Variants in CYSTM1 observed in about 807,000 individuals in gnomAD.
CYSTM1 encodes cysteine-rich transmembrane module-containing protein 1.
A neutral mutation model predicts 13.1 loss-of-function variants in CYSTM1; 4 were observed. The observed-to-expected ratio is 0.31, with a 90% CI of 0.15 to 0.70. The LOEUF (loss-of-function observed/expected upper bound fraction) is 0.70, where lower values mean the gene tolerates loss of function less well. Ranked by LOEUF, CYSTM1 falls within the 30% of genes least tolerant of loss-of-function variation. The probability of loss-of-function intolerance (pLI) is 0.72; values close to 1 mark genes in which losing one functional copy is unlikely to be tolerated. For synonymous variants in CYSTM1, 36 were observed against 42.7 expected (o/e 0.84, Z 0.62); for missense variants, 96 against 121.6 (o/e 0.79, Z 0.99).
At chr5:140,203,538 A>T (rs546210627) in intron 2 of CYSTM1, among the ~76,000 whole-genome samples, 1 of 152,252 alleles carries the variant, frequency 6.6e-6, no homozygotes, top group Non-Finnish European at 1.5e-5. Context: ...CACAAGTTTC[A>T]GTGGTGACAG....
At chr5:140,199,745 C>T (rs1488847698) in intron 2 of CYSTM1, among the ~76,000 whole-genome samples, 2 of 152,204 alleles carry the variant, frequency 1.3e-5, no homozygotes, top group Non-Finnish European at 2.9e-5. Flanking sequence ...CCTTGGCCTC[C>T]CAAAGTGCTG....
chr5:140,226,613 A>T (rs67556335), intron 2 of CYSTM1, among the ~76,000 whole-genome samples: 3,325 of 83,196 alleles, frequency 0.04, 98 homozygotes, highest in South Asian at 0.11. Flanking sequence ...TATATATATA[A>T]AAATTAGCCA....
At chr5:140,214,357 T>G (rs1764403893) in intron 2 of CYSTM1, among the ~76,000 whole-genome samples, 1 of 152,220 alleles carries the variant, frequency 6.6e-6, no homozygotes, top group Non-Finnish European at 1.5e-5. Context: ...TTTTGCCTTT[T>G]TAAAAGCCTC....
At chr5:140,222,854 C>T (rs1764507447) in intron 2 of CYSTM1, among the ~76,000 whole-genome samples, 1 of 152,246 alleles carries the variant, frequency 6.6e-6, no homozygotes, top group Non-Finnish European at 1.5e-5. Flanking sequence ...CCAGCCACTT[C>T]TGAGACAGTC....
At chr5:140,237,745 C>T (rs1180787740) in intron 2 of CYSTM1, among the ~76,000 whole-genome samples, 3 of 152,188 alleles carry the variant, frequency 2.0e-5, no homozygotes, top group Non-Finnish European at 4.4e-5. Flanking sequence ...ATTGGGTCTA[C>T]TGTTCACAGG....
At chr5:140,210,426 T>C (rs1764351114) in intron 2 of CYSTM1, among the ~76,000 whole-genome samples, 1 of 152,210 alleles carries the variant, frequency 6.6e-6, no homozygotes. Flanking sequence ...AAAATGTCTC[T>C]AGACATTACC....
At chr5:140,221,976 G>A (rs568917247) in intron 2 of CYSTM1, among the ~76,000 whole-genome samples, 2 of 152,298 alleles carry the variant, frequency 1.3e-5, no homozygotes, top group African/African-American at 4.8e-5. Context: ...TATGATTGTG[G>A]AGGCACCCTT....
chr5:140,181,159 C>T (rs1763956458), intron 1 of CYSTM1, among the ~76,000 whole-genome samples: 1 of 152,228 alleles, frequency 6.6e-6, no homozygotes, highest in South Asian at 2.1e-4. Flanking sequence ...CTTTCAGTTT[C>T]AGAATCTTAG....
chr5:140,231,922 A>G (rs1299663096), intron 2 of CYSTM1, among the ~76,000 whole-genome samples: 4 of 152,228 alleles, frequency 2.6e-5, no homozygotes, highest in Admixed American at 2.6e-4. Context: ...CAAAGGGATG[A>G]TATCACATTT....
chr5:140,241,669 C>T (rs914781968), intron 2 of CYSTM1, among the ~76,000 whole-genome samples: 4 of 152,174 alleles, frequency 2.6e-5, no homozygotes, highest in Admixed American at 1.3e-4. Flanking sequence ...GTTTCCCTGT[C>T]CAGAGCTGCC....
rs28722951 is a variant in CYSTM1 at position 140,230,367 on chromosome 5, T to G, written c.188-12938T>G. Among the ~76,000 whole-genome samples, 34,982 of 151,984 alleles carry G rather than the reference T, an allele frequency of 0.23. 4,014 individuals carry two copies. Among genetic ancestry groups the G allele is most frequent in the African/African-American group, 0.25 (10,293 of 41,456 alleles). ...AATGCTTTTATTATAAGTTAACAATTAGACAGGATTCCAGCTCAAATCTGT... is the reference window on the plus strand; with the variant it reads ...AATGCTTTTATTATAAGTTAACAATGAGACAGGATTCCAGCTCAAATCTGT... On this transcript the variant is annotated intron_variant, in intron 2 of 2. Transcript: ENST00000261811. This position sits in a 1 kb window ranked among gnomAD's most constrained non-coding sequence, Gnocchi z 4.1.
intron 2 of CYSTM1, among the ~76,000 whole-genome samples, chr5:140,205,509 C>T (rs1240668003): frequency 2.0e-5 from 3 of 152,086 alleles, no homozygotes; most frequent in Non-Finnish European, 2.9e-5. Flanking sequence ...CTTTCTTTGC[C>T]AGGTATCAGA....
intron 2 of CYSTM1, among the ~76,000 whole-genome samples, chr5:140,225,356 G>A (rs1167019775): frequency 1.3e-5 from 2 of 152,346 alleles, no homozygotes; most frequent in East Asian, 3.9e-4. Context: ...CAGTACCTGG[G>A]TTGTTTAGGC....
At chr5:140,177,642 A>G (rs1347753838) in intron 1 of CYSTM1, among the ~76,000 whole-genome samples, 2 of 152,220 alleles carry the variant, frequency 1.3e-5, no homozygotes, top group African/African-American at 4.8e-5. Context: ...CAGTCAGATC[A>G]GTGAAGTCAT....
intron 2 of CYSTM1, among the ~76,000 whole-genome samples, chr5:140,214,642 C>G (rs1764407763): frequency 6.6e-6 from 1 of 152,186 alleles, no homozygotes; most frequent in Non-Finnish European, 1.5e-5. Context: ...AAAAACATGA[C>G]ACACATATGC....
At chr5:140,212,827 C>T (rs369044586) in intron 2 of CYSTM1, among the ~76,000 whole-genome samples, 21 of 151,420 alleles carry the variant, frequency 1.4e-4, no homozygotes, top group Non-Finnish European at 2.4e-4. Context: ...AACAACCAGG[C>T]GTGGTGATAC....
chr5:140,232,474 CT>C (rs1764628307), intron 2 of CYSTM1, among the ~76,000 whole-genome samples: 6 of 152,262 alleles, frequency 3.9e-5, no homozygotes, highest in African/African-American at 1.4e-4. Flanking sequence ...AGAGAGAAAG[CT>C]AGGAGAATGG....
intron 2 of CYSTM1, among the ~76,000 whole-genome samples, chr5:140,196,452 C>T (rs867703428): frequency 6.6e-6 from 1 of 152,132 alleles, no homozygotes; most frequent in Admixed American, 6.5e-5. Context: ...ATTTTGCATT[C>T]ATGGAAAAGA....
At chr5:140,180,383 T>G (rs1763949584) in intron 1 of CYSTM1, among the ~76,000 whole-genome samples, 1 of 152,240 alleles carries the variant, frequency 6.6e-6, no homozygotes, top group Non-Finnish European at 1.5e-5. Context: ...CAGAAAAGGC[T>G]TTCTGTTATC....
Sources: gnomAD v4.1 joint callset for allele counts (sites outside exome capture counted in the v4.1 genomes callset) on GRCh38, gnomAD v4.1.1 for gene constraint, Gnocchi (gnomAD v3.1) non-coding constraint, MANE v1.5 for transcripts, NCBI Gene and HGNC (gene_info 2026-07-23, HGNC 2026-07-21) for gene names.